The following CACNB2 variants were observed in gnomAD, a reference collection of about 807,000 sequenced individuals.
The protein encoded by CACNB2 is calcium voltage-gated channel auxiliary subunit beta 2, also known as voltage-dependent L-type calcium channel subunit beta-2.
A neutral mutation model predicts 73.3 loss-of-function variants in CACNB2; 42 were observed. That is an observed-to-expected ratio of 0.57 (90% CI 0.45 to 0.74). The LOEUF (loss-of-function observed/expected upper bound fraction) is 0.74, where lower values mean the gene tolerates loss of function less well. Ranked by LOEUF, CACNB2 falls within the 30% of genes least tolerant of loss-of-function variation. The pLI is 0.00. For synonymous variants in CACNB2, 348 were observed against 310.3 expected (o/e 1.12, Z -1.28); for missense variants, 940 against 853.0 (o/e 1.10, Z -1.27).
chr10:18,194,417 G>T (rs2034540345), intron 2 of CACNB2, among the ~76,000 whole-genome samples: 1 of 152,100 alleles, frequency 6.6e-6, no homozygotes, highest in African/African-American at 2.4e-5. Context: ...AGCTCAGTTT[G>T]TCAGGGATTC....
chr10:18,215,127 C>T (rs1238569645), intron 2 of CACNB2, among the ~76,000 whole-genome samples: 3 of 152,216 alleles, frequency 2.0e-5, no homozygotes, highest in South Asian at 4.1e-4. Flanking sequence ...CGGAGATTCC[C>T]AGTATGGTAT....
chr10:18,423,888 A>G (rs1057324228), intron 3 of CACNB2, among the ~76,000 whole-genome samples: 1 of 152,182 alleles, frequency 6.6e-6, no homozygotes, highest in African/African-American at 2.4e-5. Context: ...ATAATTTGAG[A>G]TCAATATGTA....
At chr10:18,230,687 C>T (rs1486740014) in intron 2 of CACNB2, among the ~76,000 whole-genome samples, 3 of 152,054 alleles carry the variant, frequency 2.0e-5, no homozygotes, top group African/African-American at 4.8e-5. Context: ...AGAAATCAGA[C>T]AGAGTATTAA....
At chr10:18,340,752 C>G in intron 2 of CACNB2, 1 of 1,514,920 alleles carries the variant, frequency 6.6e-7, no homozygotes, top group Non-Finnish European at 8.8e-7. Context: ...ATCCGACGAA[C>G]TTTAGAAAGT....
At chr10:18,458,763 C>CAT (rs1554823233) in intron 3 of CACNB2, among the ~76,000 whole-genome samples, 2 of 122,628 alleles carry the variant, frequency 1.6e-5, no homozygotes, top group Non-Finnish European at 3.4e-5. Context: ...GTAAGGTGAA[C>CAT]TTTTTTTTTT....
chr10:18,229,780 A>T (rs1398666319), intron 2 of CACNB2, among the ~76,000 whole-genome samples: 1 of 152,158 alleles, frequency 6.6e-6, no homozygotes, highest in South Asian at 2.1e-4. Flanking sequence ...TATAGCTATG[A>T]TGTTAGAGCC....
At chr10:18,500,982 T>C in intron 5 of CACNB2, 34 bp downstream of exon 5, 1 of 1,601,058 alleles carries the variant, frequency 6.2e-7, no homozygotes, top group Non-Finnish European at 8.6e-7. Context: ...TGCATAAAAC[T>C]TAGATTATAC....
At chr10:18,248,187 T>C (rs2036941978) in intron 2 of CACNB2, among the ~76,000 whole-genome samples, 3 of 152,212 alleles carry the variant, frequency 2.0e-5, no homozygotes, top group Non-Finnish European at 4.4e-5. Context: ...GCCCCACTTT[T>C]CCAAGCTAAT....
intron 3 of CACNB2, among the ~76,000 whole-genome samples, chr10:18,461,050 C>T (rs936772763): frequency 5.3e-5 from 8 of 152,120 alleles, no homozygotes; most frequent in Non-Finnish European, 1.0e-4. Flanking sequence ...CTGCCTCAGC[C>T]TCCCGAGTAG....
chr10:18,434,628 T>C (rs2046044657), intron 3 of CACNB2, among the ~76,000 whole-genome samples: 1 of 152,168 alleles, frequency 6.6e-6, no homozygotes, highest in South Asian at 2.1e-4. Context: ...CTCGAACTTC[T>C]GGGCTCAAAC....
In CACNB2 at chr10:18,502,689, CAAAAAAAAAAAAA is replaced by C. The variant is rs71200974; in HGVS notation, c.593+1764_593+1776del. The stretch of plus-strand genomic sequence containing the variant: ...CTGGCGACAGAGCAAGACTCCATCT[CAAAAAAAAAAAAA>C]AAAAAAAAAAAAAAAAAAAAAACCG... On this transcript the variant is annotated intron_variant, in intron 5 of 13. Coordinates refer to ENST00000324631, the MANE Select transcript of CACNB2 (RefSeq NM_201596.3). 2.0e-4 allele frequency among the ~76,000 whole-genome samples: 15 copies of C among 73,258 alleles called. No homozygotes were observed. The East Asian group carries it at 2.6e-3, about 13-fold the overall frequency. The allele number at this position is 73,258 out of a possible 152,430, so 48.1% of individuals were successfully genotyped here.
intron 3 of CACNB2, among the ~76,000 whole-genome samples, chr10:18,427,174 C>A (rs10741057): frequency 0.88 from 133,052 of 151,976 alleles, 58,466 homozygotes; most frequent in East Asian, 0.96. Context: ...AGGCTGGTCT[C>A]GAACTCCCAA....
chr10:18,187,149 G>A (rs773027456), intron 2 of CACNB2, among the ~76,000 whole-genome samples: 1 of 152,128 alleles, frequency 6.6e-6, no homozygotes, highest in African/African-American at 2.4e-5. Flanking sequence ...CAACACAGGA[G>A]GTAGAGTTCA....
intron 3 of CACNB2, among the ~76,000 whole-genome samples, chr10:18,440,320 A>C (rs1389261239): frequency 6.6e-6 from 1 of 152,196 alleles, no homozygotes; most frequent in Non-Finnish European, 1.5e-5. Context: ...GAACATGTTC[A>C]GTCCATAGTA....
chr10:18,145,694 T>C (rs972405473), intron 1 of CACNB2, among the ~76,000 whole-genome samples: 1 of 152,222 alleles, frequency 6.6e-6, no homozygotes, highest in Non-Finnish European at 1.5e-5. Flanking sequence ...TTTTGTGGCA[T>C]GTCTCTATCC....
intron 2 of CACNB2, among the ~76,000 whole-genome samples, chr10:18,354,684 C>T (rs1011389734): frequency 7.2e-5 from 11 of 152,096 alleles, no homozygotes; most frequent in Non-Finnish European, 1.6e-4. Flanking sequence ...TCTCAGGACC[C>T]AGCAGGCCCA....
At chr10:18,517,448 G>C (rs1484815998) in intron 7 of CACNB2, among the ~76,000 whole-genome samples, 1 of 152,074 alleles carries the variant, frequency 6.6e-6, no homozygotes, top group Non-Finnish European at 1.5e-5. Context: ...TTTAGAAATT[G>C]CTACAAAATT....
intron 3 of CACNB2, among the ~76,000 whole-genome samples, chr10:18,404,559 G>A (rs988567831): frequency 6.6e-5 from 10 of 152,196 alleles, no homozygotes; most frequent in South Asian, 2.1e-4. Flanking sequence ...CATTTACTTC[G>A]TAACCATCGA....
At chr10:18,473,561 C>T (rs1032656142) in intron 3 of CACNB2, among the ~76,000 whole-genome samples, 1 of 152,142 alleles carries the variant, frequency 6.6e-6, no homozygotes, top group Non-Finnish European at 1.5e-5. Context: ...GCATGCAGAG[C>T]ATTTTCCTAG....
Sources: allele counts gnomAD v4.1 joint callset (sites outside exome capture counted in the v4.1 genomes callset), GRCh38; gene constraint gnomAD v4.1.1; transcripts MANE v1.5; gene names NCBI Gene and HGNC (gene_info 2026-07-23, HGNC 2026-07-21).